The following ASIC2 variants were observed in gnomAD, a reference collection of about 807,000 sequenced individuals.
ASIC2 encodes the protein acid-sensing ion channel 2.
A neutral mutation model predicts 57.3 loss-of-function variants in ASIC2; 25 were observed. That is an observed-to-expected ratio of 0.44 (90% confidence interval 0.32 to 0.61). The LOEUF (loss-of-function observed/expected upper bound fraction) is 0.61. ASIC2 is among the 20% of genes least tolerant of loss of function. The pLI, the probability that ASIC2 is intolerant of heterozygous loss-of-function variation, is 0.06. For missense variants in ASIC2, 641 were observed against 738.1 expected (o/e 0.87, Z 1.52); for synonymous variants, 319 against 307.5 (o/e 1.04, Z -0.39).
rs1555536105 is a variant in ASIC2, at chr17:33,464,697, A to ATATT, written c.556-352631_556-352630insAATA. 1.6e-3 allele frequency among the ~76,000 whole-genome samples: 220 copies of ATATT among 137,178 alleles called. No homozygotes were observed. In the South Asian group the frequency reaches 0.018, roughly 11 times the overall value. The allele number at this position is 137,178 out of a possible 152,430, so 90.0% of individuals were successfully genotyped here. On this transcript the variant is annotated intron_variant, in intron 1 of 9. Coordinates refer to the ASIC2 transcript ENST00000359872. ...TCTCTCTCTCTCTCTCTATATATAT[A>ATATT]TATATATGTATATATATGTATATAA...
At chr17:34,030,755 T>C (rs1400905031) in intron 1 of ASIC2, among the ~76,000 whole-genome samples, 1 of 152,172 alleles carries the variant, frequency 6.6e-6, no homozygotes, top group Non-Finnish European at 1.5e-5. Flanking sequence ...GTCTTGCTCA[T>C]TGCTAGCACA....
chr17:33,902,864 C>T (rs1308215818), intron 1 of ASIC2, among the ~76,000 whole-genome samples: 1 of 152,206 alleles, frequency 6.6e-6, no homozygotes, highest in African/African-American at 2.4e-5. Context: ...CCATCAATTT[C>T]TAGGAAATCA....
intron 1 of ASIC2, among the ~76,000 whole-genome samples, chr17:34,061,780 A>C (rs1908980287): frequency 6.6e-6 from 1 of 152,180 alleles, no homozygotes; most frequent in African/African-American, 2.4e-5. Flanking sequence ...GAGACAAAGA[A>C]GGACATTATA....
chr17:33,854,885 G>A lies in ASIC2; in HGVS notation c.555+301093C>T, dbSNP rs148062598. ...TGGTTATTAGTGTTTAAAAAAACAC[G>A]TGCTGTCTCCAGAGCTCAGGGGGAC... On this transcript the variant is annotated intron_variant, in intron 1 of 9. Transcript: ENST00000359872. Among the ~76,000 whole-genome samples, 235 of 152,184 alleles carry A rather than the reference G, an allele frequency of 1.5e-3. 4 individuals carry two copies. In the South Asian group the frequency reaches 0.036, roughly 23 times the overall value.
At chr17:33,972,501 A>T (rs1335624489) in intron 1 of ASIC2, among the ~76,000 whole-genome samples, 2 of 152,238 alleles carry the variant, frequency 1.3e-5, no homozygotes, top group East Asian at 3.8e-4. Flanking sequence ...TGGTCCAGCT[A>T]TGTGGTTTCT....
At chr17:33,703,191 G>C (rs1452685444) in intron 1 of ASIC2, among the ~76,000 whole-genome samples, 1 of 152,200 alleles carries the variant, frequency 6.6e-6, no homozygotes, top group Non-Finnish European at 1.5e-5. Context: ...TGGACGCCTA[G>C]AACAGAGTGA....
intron 1 of ASIC2, among the ~76,000 whole-genome samples, chr17:34,048,681 C>T (rs1213727543): frequency 1.3e-5 from 2 of 152,216 alleles, no homozygotes; most frequent in African/African-American, 2.4e-5. Context: ...TCTAGACCAT[C>T]ACTCCTTTCT....
chr17:34,086,633 G>A (rs1910122011), intron 1 of ASIC2, among the ~76,000 whole-genome samples: 1 of 152,156 alleles, frequency 6.6e-6, no homozygotes, highest in Non-Finnish European at 1.5e-5. Context: ...AATGTTGACA[G>A]TGGGGTGTTA....
intron 1 of ASIC2, among the ~76,000 whole-genome samples, chr17:33,439,648 G>A (rs1001432933): frequency 1.3e-5 from 2 of 152,230 alleles, no homozygotes; most frequent in Non-Finnish European, 2.9e-5. Context: ...TTTCACAAAT[G>A]TGTCATCTGA....
At chr17:33,227,035 G>A (rs1284924774) in intron 1 of ASIC2, among the ~76,000 whole-genome samples, 1 of 151,536 alleles carries the variant, frequency 6.6e-6, no homozygotes, top group South Asian at 2.1e-4. Context: ...TCAAGCATTT[G>A]AAATCCAGTG....
At chr17:33,617,760 T>C (rs903736738) in intron 1 of ASIC2, among the ~76,000 whole-genome samples, 3 of 152,256 alleles carry the variant, frequency 2.0e-5, no homozygotes, top group Non-Finnish European at 4.4e-5. Flanking sequence ...TGGGTTTCAA[T>C]TCCACCTTTG....
At chr17:33,676,813 A>G (rs1361262460) in intron 1 of ASIC2, among the ~76,000 whole-genome samples, 1 of 152,198 alleles carries the variant, frequency 6.6e-6, no homozygotes. Flanking sequence ...TCTCCACCAA[A>G]TCCCACGTTG....
intron 1 of ASIC2, among the ~76,000 whole-genome samples, chr17:33,978,083 T>C (rs529596633): frequency 4.1e-4 from 63 of 152,298 alleles, no homozygotes; most frequent in African/African-American, 1.5e-3. Context: ...AGTGAATTCA[T>C]AGCTGAGACC....
intron 1 of ASIC2, among the ~76,000 whole-genome samples, chr17:33,681,121 A>G (rs1030078073): frequency 1.3e-5 from 2 of 152,172 alleles, no homozygotes; most frequent in African/African-American, 4.8e-5. Context: ...TCTCCTTCCC[A>G]GTTGAATGCA....
intron 1 of ASIC2, among the ~76,000 whole-genome samples, chr17:33,604,322 A>G (rs1649700901): frequency 6.6e-6 from 1 of 151,552 alleles, no homozygotes; most frequent in Non-Finnish European, 1.5e-5. Context: ...GAGAAAGGAG[A>G]GAAGGTAGGG....
At chr17:33,715,107 C>T (rs1422089064) in intron 1 of ASIC2, among the ~76,000 whole-genome samples, 1 of 151,928 alleles carries the variant, frequency 6.6e-6, no homozygotes, top group Non-Finnish European at 1.5e-5. Context: ...TCAAGTGATC[C>T]TCTTGCCTCA....
chr17:33,515,701 C>G (rs1312010718), intron 1 of ASIC2, among the ~76,000 whole-genome samples: 1 of 152,216 alleles, frequency 6.6e-6, no homozygotes, highest in African/African-American at 2.4e-5. Context: ...CAAGCTTAGC[C>G]CTGCCCGTGG....
chr17:33,056,020 T>G (rs1460620126), intron 3 of ASIC2, among the ~76,000 whole-genome samples: 1 of 152,202 alleles, frequency 6.6e-6, no homozygotes, highest in Non-Finnish European at 1.5e-5. Flanking sequence ...TTTCGAAAAC[T>G]CCCTAGAGGA....
intron 1 of ASIC2, among the ~76,000 whole-genome samples, chr17:33,505,782 C>T (rs1914231110): frequency 6.6e-6 from 1 of 152,210 alleles, no homozygotes; most frequent in Admixed American, 6.5e-5. Flanking sequence ...GAACTCTCAA[C>T]CTTGCTATCC....
Sources: allele counts gnomAD v4.1 joint callset (sites outside exome capture counted in the v4.1 genomes callset), GRCh38; gene constraint gnomAD v4.1.1; transcripts MANE v1.5; gene names NCBI Gene and HGNC (gene_info 2026-07-23, HGNC 2026-07-21).